Variants in WHAMM observed in about 807,000 individuals in gnomAD.
WHAMM encodes WASP homolog-associated protein with actin, membranes and microtubules.
A neutral mutation model predicts 76.5 loss-of-function variants in WHAMM; 67 were observed. The observed-to-expected ratio is 0.88, with a 90% confidence interval of 0.72 to 1.07. WHAMM has a LOEUF of 1.07. WHAMM is among the 50% of genes least tolerant of loss of function. The pLI is 0.00. For missense variants in WHAMM, 1,021 were observed against 1,051.1 expected (o/e 0.97, Z 0.40); for synonymous variants, 419 against 422.1 (o/e 0.99, Z 0.09).
At chr15:82,821,595 C>T (rs1370900678) in intron 5 of WHAMM, among the ~76,000 whole-genome samples, 1 of 152,200 alleles carries the variant, frequency 6.6e-6, no homozygotes, top group Non-Finnish European at 1.5e-5. Context: ...CTGCTGGCTC[C>T]ATACCGTTCC....
intron 6 of WHAMM, among the ~76,000 whole-genome samples, chr15:82,825,358 T>TTA (rs566193318): frequency 0.011 from 1,608 of 151,726 alleles, 7 homozygotes; most frequent in Non-Finnish European, 0.016. Context: ...GCAGTGTTTT[T>TTA]TATATATATA....
chr15:82,809,706 G>T lies in WHAMM; in HGVS notation c.-21G>T. The T allele has an allele frequency of 1.4e-6, 2 of 1,392,774 alleles. No individual in the cohort carries two copies. Among genetic ancestry groups the T allele is most frequent in the South Asian group, 3.1e-5 (2 of 64,890 alleles). The allele number at this position is 1,392,774 out of a possible 1,614,324, so 86.3% of individuals were successfully genotyped here. On this transcript the variant is annotated 5_prime_UTR_variant, in exon 1 of 10. The change creates a new upstream start codon in the 5' untranslated region. Coordinates refer to ENST00000286760, the MANE Select transcript of WHAMM (RefSeq NM_001080435.3). ...CCAGGCCCGCGCCCGCCGAGCCCTA[G>T]GGCCGCTGCTGCCGACAGCCATGGA...
At chr15:82,815,396 A>G (rs1401388075) in intron 2 of WHAMM, among the ~76,000 whole-genome samples, 1 of 151,870 alleles carries the variant, frequency 6.6e-6, no homozygotes, top group Non-Finnish European at 1.5e-5. Context: ...GTTGGAGCAA[A>G]TATCAGGATT....
intron 8 of WHAMM, among the ~76,000 whole-genome samples, chr15:82,829,166 A>G (rs12905235): frequency 6.6e-6 from 1 of 152,182 alleles, no homozygotes; most frequent in Non-Finnish European, 1.5e-5. Context: ...GACAGGCTGT[A>G]TGTGCAATAT....
At chr15:82,826,331 G>C in intron 6 of WHAMM, 79 bp from the exon 7 acceptor site, 1 of 1,488,752 alleles carries the variant, frequency 6.7e-7, no homozygotes, top group Non-Finnish European at 9.4e-7. Flanking sequence ...CCCAAATGCA[G>C]TGCTTTTTTC....
chr15:82,830,981 G>A lies in WHAMM; in HGVS notation c.2024G>A (p.Gly675Asp), dbSNP rs551108747. 1.2e-6 allele frequency: 2 copies of A among 1,609,092 alleles called. No individual in the cohort carries two copies. The highest frequency in any genetic ancestry group is 2.2e-5 in the East Asian group (1 of 44,704). ...CAAGCTGCAACTCATCAGAACTTAG[G>A]CTTCCGGGCTCCAGTGAAAGATGAC... Reference protein sequence around the residue: ...SSQAATHQNLGFRAPVKDDQP... With the variant: ...SSQAATHQNLDFRAPVKDDQP... The change falls in exon 9 of 10, where the codon GGC (glycine) becomes GAC (aspartate). Residue 675 changes from glycine (G) to aspartate (D), a missense_variant. By Grantham distance (94) the Gly-to-Asp change is moderately conservative. Coordinates refer to ENST00000286760, the MANE Select transcript of WHAMM (RefSeq NM_001080435.3).
At chr15:82,816,965 A>T (rs1221788041) in intron 3 of WHAMM, 123 bp downstream of exon 3, 1 of 964,376 alleles carries the variant, frequency 1.0e-6, no homozygotes, top group African/African-American at 1.7e-5. Context: ...ATTCAGTGTC[A>T]AGCGTTAAGA....
chr15:82,829,129 G>T (rs1444671008), intron 8 of WHAMM, among the ~76,000 whole-genome samples: 1 of 152,224 alleles, frequency 6.6e-6, no homozygotes, highest in African/African-American at 2.4e-5. Context: ...GGCTGTACAA[G>T]GTAAAGGATT....
chr15:82,810,715 C>G (rs2050614393), intron 1 of WHAMM: 5 of 985,418 alleles, frequency 5.1e-6, no homozygotes, highest in Non-Finnish European at 6.0e-6. Context: ...TAAATGTAAG[C>G]AATTCCTGTG....
chr15:82,823,238 C>G lies in WHAMM; in HGVS notation c.1409C>G (p.Ser470Cys). ...ELRRQCQQLE[S>C]KRGRICAKRA... Reference sequence around the variant, plus strand: ...AGAAGGCAGTGCCAGCAGCTGGAGTCTAAACGGGGCAGGATCTGTGCCAAA... The same window carrying G: ...AGAAGGCAGTGCCAGCAGCTGGAGTGTAAACGGGGCAGGATCTGTGCCAAA... Residue 470 changes from serine to cysteine, a missense_variant, in exon 6 of 10, where the codon TCT becomes TGT. Ser to Cys is a moderately radical substitution (Grantham distance 112). Coordinates refer to ENST00000286760, the MANE Select transcript of WHAMM (RefSeq NM_001080435.3). 6.3e-7 allele frequency: 1 copy of G among 1,582,228 alleles called. No homozygotes were observed. The highest frequency in any genetic ancestry group is 8.6e-7 in the Non-Finnish European group (1 of 1,161,412).
intron 4 of WHAMM, 40 bp from the exon 5 acceptor site, chr15:82,819,283 A>G: frequency 1.2e-6 from 1 of 859,518 alleles, no homozygotes; most frequent in Non-Finnish European, 1.6e-6. Context: ...TAATATACTA[A>G]TTTATTTTAA....
Position 82,835,612 on chromosome 15 carries a change from A to G in WHAMM, c.*2076A>G, listed in dbSNP as rs2051117985. 6.6e-6 allele frequency: 1 copy of G among 152,428 alleles called. No individual in the cohort carries two copies. The highest frequency in any genetic ancestry group is 1.5e-5 in the Non-Finnish European group (1 of 68,212). The allele number at this position is 152,428 out of a possible 1,614,324, so 9.4% of individuals were successfully genotyped here. ...TGTGTGCTACCTTTTCAGAATGCAAATCCAACTCCTGTGTATGAATGAATG... is the reference window on the plus strand; with the variant it reads ...TGTGTGCTACCTTTTCAGAATGCAAGTCCAACTCCTGTGTATGAATGAATG... On this transcript the variant is annotated 3_prime_UTR_variant, in exon 10 of 10. Transcript: ENST00000286760.
At chr15:82,813,538 T>C (rs1232669752) in intron 2 of WHAMM, among the ~76,000 whole-genome samples, 3 of 152,138 alleles carry the variant, frequency 2.0e-5, no homozygotes, top group South Asian at 4.1e-4. Flanking sequence ...TATGTACATA[T>C]TGAGTTTATA....
intron 8 of WHAMM, among the ~76,000 whole-genome samples, chr15:82,827,184 C>T (rs1305211260): frequency 1.3e-5 from 2 of 152,124 alleles, no homozygotes; most frequent in Non-Finnish European, 2.9e-5. Context: ...TGGCATTTCC[C>T]CTCATTTGTA....
chr15:82,818,475 A>C (rs560503178), intron 4 of WHAMM, among the ~76,000 whole-genome samples: 1 of 152,338 alleles, frequency 6.6e-6, no homozygotes, highest in African/African-American at 2.4e-5. Context: ...AAGGTTAGAC[A>C]TAAAGTTTTC....
At chr15:82,822,048 A>G (rs550192403) in intron 5 of WHAMM, among the ~76,000 whole-genome samples, 59 of 152,328 alleles carry the variant, frequency 3.9e-4, no homozygotes, top group Non-Finnish European at 7.6e-4. Context: ...CAGATTGTTC[A>G]TAATGTTTTT....
Position 82,813,253 on chromosome 15 carries a change from A to G in WHAMM, c.760A>G (p.Thr254Ala). The G allele has an allele frequency of 2.5e-6, 4 of 1,575,286 alleles. No individual in the cohort carries two copies. The highest frequency in any genetic ancestry group is 1.4e-5 in the African/African-American group (1 of 73,322). Reference sequence around the variant, plus strand: ...ATTTAGGGCTATGCGAGAAGTTGCAACTTTATGTAAGCTTGATATTTTGGT... The same window carrying G: ...ATTTAGGGCTATGCGAGAAGTTGCAGCTTTATGTAAGCTTGATATTTTGGT... ...QPFRAMREVA[T>A]LCKLDILKSL... The change falls in exon 2 of 10, where the codon ACT becomes GCT. Residue 254 changes from threonine to alanine, a missense_variant. Transcript: ENST00000286760.
In WHAMM at chr15:82,819,484, A is replaced by T; in HGVS notation, c.1266A>T (p.Ile422=). The part of the protein sequence containing the change: ...TTQLDSLKRL[I]KEKQDEVVYY... ...AGTTGGACTCTCTTAAAAGACTTAT[A>T]AAAGGTAAAATTTAAGTATATAGAT... Residue 422 remains isoleucine (I), a synonymous_variant, in exon 5 of 10, where the codon ATA becomes ATT. Coordinates refer to ENST00000286760, the MANE Select transcript of WHAMM (RefSeq NM_001080435.3). 1 of 1,240,502 alleles carries T rather than the reference A, an allele frequency of 8.1e-7. No individual in the cohort carries two copies. The highest frequency in any genetic ancestry group is 1.1e-6 in the Non-Finnish European group (1 of 931,418). The allele number at this position is 1,240,502 out of a possible 1,614,324, so 76.8% of individuals were successfully genotyped here.
Position 82,830,867 on chromosome 15 carries a change from C to T in WHAMM, c.1910C>T (p.Ser637Leu), listed in dbSNP as rs1318283147. 7 of 1,581,918 alleles carry T rather than the reference C, an allele frequency of 4.4e-6. No homozygotes were observed. Among genetic ancestry groups the T allele is most frequent in the Non-Finnish European group, 6.0e-6 (7 of 1,163,426 alleles). The change falls in exon 9 of 10, where the codon TCA becomes TTA. Residue 637 changes from serine to leucine, a missense_variant. Ser to Leu is a moderately radical substitution (Grantham distance 145, BLOSUM62 -2). This residue lies in a region of WHAMM where 509 missense variants were observed against 492.3 expected (regional missense o/e 1.03). Coordinates refer to ENST00000286760, the MANE Select transcript of WHAMM (RefSeq NM_001080435.3). The part of the protein sequence containing the change: ...QTHSKSSEEL[S>L]LPPPPPPPPP... ...CATTCCAAATCCAGTGAGGAATTGTCACTGCCACCACCTCCTCCTCCTCCA... is the reference window on the plus strand; with the variant it reads ...CATTCCAAATCCAGTGAGGAATTGTTACTGCCACCACCTCCTCCTCCTCCA...
Sources: allele counts gnomAD v4.1 joint callset (sites outside exome capture counted in the v4.1 genomes callset), GRCh38; gene constraint gnomAD v4.1.1; regional missense constraint gnomAD v4.1.1; transcripts MANE v1.5; gene names NCBI Gene and HGNC (gene_info 2026-07-23, HGNC 2026-07-21).